Variants in KLRG1 observed in about 807,000 individuals in gnomAD.
KLRG1 encodes killer cell lectin-like receptor subfamily G member 1.
A neutral mutation model predicts 21.8 loss-of-function variants in KLRG1; 16 were observed. The ratio of observed to expected loss-of-function variants is 0.73; its 90% CI spans 0.50 to 1.11. The LOEUF (loss-of-function observed/expected upper bound fraction) is 1.11, where lower values mean the gene tolerates loss of function less well. Ranked by LOEUF, KLRG1 falls within the 50% of genes most tolerant of loss-of-function variation. KLRG1 has a pLI of 0.00. For missense variants in KLRG1, 173 were observed against 218.3 expected (o/e 0.79, Z 1.31); for synonymous variants, 69 against 75.9 (o/e 0.91, Z 0.47).
the KLRG1 span, among the ~76,000 whole-genome samples, chr12:9,173,605 G>T: frequency 2.0e-5 from 3 of 151,940 alleles, no homozygotes; most frequent in East Asian, 3.9e-4. Flanking sequence ...AAGAAAAAAA[G>T]AAAAGAATCA....
chr12:9,026,711 A>G, the KLRG1 span, among the ~76,000 whole-genome samples: 1 of 151,694 alleles, frequency 6.6e-6, no homozygotes, highest in Non-Finnish European at 1.5e-5. Flanking sequence ...TCTTATCAAT[A>G]TGTAGGCACT....
the KLRG1 span, chr12:9,067,775 A>C: frequency 6.3e-7 from 1 of 1,591,962 alleles, no homozygotes; most frequent in East Asian, 2.2e-5. Flanking sequence ...TCTTCTGTGG[A>C]GCTCTGAGAA....
chr12:9,133,759 C>T, the KLRG1 span, among the ~76,000 whole-genome samples: 1 of 151,998 alleles, frequency 6.6e-6, no homozygotes, highest in Non-Finnish European at 1.5e-5. Context: ...CACATCATCA[C>T]CAAAGAGGGG....
chr12:9,068,995 G>C, the KLRG1 span: 3 of 528,306 alleles, frequency 5.7e-6, no homozygotes, highest in Non-Finnish European at 9.9e-6. Flanking sequence ...ATCTCTCAGA[G>C]GGGATGATAA....
At chr12:9,029,438 A>G in the KLRG1 span, among the ~76,000 whole-genome samples, 1 of 152,016 alleles carries the variant, frequency 6.6e-6, no homozygotes, top group East Asian at 2.0e-4. Flanking sequence ...CTGGTCTCGA[A>G]CTCCTAACCT....
the KLRG1 span, chr12:9,181,870 G>A: frequency 1.6e-6 from 2 of 1,269,404 alleles, no homozygotes; most frequent in South Asian, 1.6e-5. Flanking sequence ...GAACTGTTGG[G>A]CAACTCATTT....
At chr12:9,189,279 T>C in the KLRG1 span, among the ~76,000 whole-genome samples, 1 of 152,172 alleles carries the variant, frequency 6.6e-6, no homozygotes, top group South Asian at 2.1e-4. Context: ...CAAAACAGCA[T>C]AGTACTTGTA....
the KLRG1 span, chr12:9,153,309 T>C: frequency 2.7e-5 from 44 of 1,614,086 alleles, no homozygotes; most frequent in South Asian, 2.9e-4. Context: ...GGCTGCTCCA[T>C]ACCTGGACAG....
intron 1 of KLRG1, among the ~76,000 whole-genome samples, chr12:8,967,311 T>C (rs1264441224): frequency 6.6e-6 from 1 of 152,118 alleles, no homozygotes; most frequent in African/African-American, 2.4e-5. Context: ...GTTGTGCATA[T>C]GTACCCTAAA....
chr12:9,040,706 G>T, the KLRG1 span, among the ~76,000 whole-genome samples: 7,765 of 152,070 alleles, frequency 0.051, 601 homozygotes, highest in African/African-American at 0.17. Context: ...ATTGTCTCTG[G>T]GGTTGTTTTC....
In KLRG1 at chr12:9,009,949, T is replaced by C. The variant is rs73238291; in HGVS notation, c.*412T>C. ...GTACTAGAGAAGTACATTATTGCTG[T>C]ACTCCTCTGTACATTACTGATCCCT... On this transcript the variant is annotated 3_prime_UTR_variant, in exon 5 of 5. Transcript: ENST00000356986. 269 of 1,524,718 alleles carry C rather than the reference T, an allele frequency of 1.8e-4. 2 individuals are homozygous for C. The African/African-American group carries it at 2.7e-3, about 16-fold the overall frequency. The allele number at this position is 1,524,718 out of a possible 1,614,324, so 94.4% of individuals were successfully genotyped here.
the KLRG1 span, among the ~76,000 whole-genome samples, chr12:9,033,077 CAGG>C: frequency 6.6e-6 from 1 of 152,114 alleles, no homozygotes; most frequent in African/African-American, 2.4e-5. Flanking sequence ...GTGCAGAGGG[CAGG>C]AAGAAACTGC....
At chr12:9,110,250 A>C in the KLRG1 span, 1 of 1,323,146 alleles carries the variant, frequency 7.6e-7, no homozygotes, top group Non-Finnish European at 1.0e-6. Context: ...AAACCTCTGA[A>C]ATAAGAACAT....
At chr12:9,137,459 G>A in the KLRG1 span, among the ~76,000 whole-genome samples, 1 of 152,056 alleles carries the variant, frequency 6.6e-6, no homozygotes, top group Non-Finnish European at 1.5e-5. Flanking sequence ...TAGGAAGTGT[G>A]AGTCCTCCAG....
the KLRG1 span, among the ~76,000 whole-genome samples, chr12:9,163,485 T>C: frequency 6.6e-6 from 1 of 151,966 alleles, no homozygotes; most frequent in African/African-American, 2.4e-5. Context: ...CTCAAATAAT[T>C]TGTGAAAAAA....
the KLRG1 span, chr12:9,192,539 C>T: frequency 2.9e-4 from 466 of 1,613,652 alleles, 1 homozygote; most frequent in Non-Finnish European, 3.6e-4. Context: ...GCTCCGATAA[C>T]TCTCCCATGG....
chr12:9,019,966 A>G, the KLRG1 span, among the ~76,000 whole-genome samples: 4 of 152,060 alleles, frequency 2.6e-5, no homozygotes, highest in Non-Finnish European at 5.9e-5. Flanking sequence ...CTTTTCCTCC[A>G]TTCCCACTTT....
At chr12:9,090,026 G>GT in the KLRG1 span, 25 of 1,576,390 alleles carry the variant, frequency 1.6e-5, no homozygotes, top group East Asian at 2.0e-4. Context: ...CACATTTCCT[G>GT]AAAAAAAAGG....
the KLRG1 span, among the ~76,000 whole-genome samples, chr12:9,204,139 G>C: frequency 6.6e-6 from 1 of 152,140 alleles, no homozygotes; most frequent in Non-Finnish European, 1.5e-5. Flanking sequence ...CATCAGCCAT[G>C]CCTCAGCCAC....
Sources: gnomAD v4.1 joint callset for allele counts (sites outside exome capture counted in the v4.1 genomes callset) on GRCh38, gnomAD v4.1.1 for gene constraint, MANE v1.5 for transcripts, NCBI Gene and HGNC (gene_info 2026-07-23, HGNC 2026-07-21) for gene names.